The following AGAP1 variants were observed in gnomAD, a reference collection of about 807,000 sequenced individuals.
AGAP1 encodes ArfGAP with GTPase domain, ankyrin repeat and PH domain 1.
In AGAP1, 29 loss-of-function variants were observed where a neutral mutation model predicts 105.3. The observed-to-expected ratio is 0.28, with a 90% CI of 0.21 to 0.38. AGAP1 has a LOEUF of 0.38. Ranked by LOEUF, AGAP1 falls within the 10% of genes least tolerant of loss-of-function variation. The probability of loss-of-function intolerance (pLI) is 1.00; values close to 1 mark genes in which losing one functional copy is unlikely to be tolerated. For synonymous variants in AGAP1, 509 were observed against 485.9 expected, an observed-to-expected ratio of 1.05 and a Z score of -0.63; for missense variants, 998 against 1,165.1, an observed-to-expected ratio of 0.86 and a Z score of 2.09.
intron 1 of AGAP1, among the ~76,000 whole-genome samples, chr2:235,640,030 G>A (rs1947137597): frequency 6.6e-6 from 1 of 152,128 alleles, no homozygotes; most frequent in South Asian, 2.1e-4. Flanking sequence ...CAGTCTTTAG[G>A]GCAACCTAAT....
intron 6 of AGAP1, among the ~76,000 whole-genome samples, chr2:235,770,592 A>G (rs1362903499): frequency 6.6e-6 from 1 of 152,224 alleles, no homozygotes; most frequent in Non-Finnish European, 1.5e-5. Context: ...TCACGCAATC[A>G]TAAAATCTCC....
chr2:235,802,601 T>G (rs1170439346), intron 8 of AGAP1, among the ~76,000 whole-genome samples: 3 of 152,150 alleles, frequency 2.0e-5, no homozygotes, highest in African/African-American at 7.2e-5. Context: ...ATGTTGGTCC[T>G]CAGTGGGTTT....
chr2:235,697,475 C>A (rs574408275), intron 1 of AGAP1, among the ~76,000 whole-genome samples: 139 of 152,324 alleles, frequency 9.1e-4, no homozygotes, highest in African/African-American at 3.1e-3. Flanking sequence ...AGTGACATGG[C>A]AGGGGGGACC....
chr2:235,834,644 G>A (rs1959902987), intron 9 of AGAP1, among the ~76,000 whole-genome samples: 1 of 152,176 alleles, frequency 6.6e-6, no homozygotes, highest in African/African-American at 2.4e-5. Flanking sequence ...ATTTTCACCA[G>A]TTGTTCACTT....
intron 1 of AGAP1, among the ~76,000 whole-genome samples, chr2:235,624,581 T>C (rs1574986693): frequency 6.6e-6 from 1 of 152,328 alleles, no homozygotes; most frequent in East Asian, 1.9e-4. Context: ...TTCTGTGTGC[T>C]GTAAAGTGTA....
At chr2:235,647,681 C>T (rs1383324015) in intron 1 of AGAP1, among the ~76,000 whole-genome samples, 2 of 152,156 alleles carry the variant, frequency 1.3e-5, no homozygotes. Flanking sequence ...AGCCACCATG[C>T]CTGGCTGAGG....
rs567586278 is a variant in AGAP1, at chr2:235,665,791, C to T, written c.164-43388C>T. Reference sequence around the variant, plus strand: ...GGCCAGTTTCTACCATCAGCAGACGCGGTTCTGCTAAGATACTGCAAACGT... The same window carrying T: ...GGCCAGTTTCTACCATCAGCAGACGTGGTTCTGCTAAGATACTGCAAACGT... On this transcript the variant is annotated intron_variant, in intron 1 of 17. Coordinates refer to ENST00000304032, the MANE Select transcript of AGAP1 (RefSeq NM_001037131.3). The surrounding 1 kb of genome is among the most constrained non-coding windows in gnomAD (Gnocchi z 5.3). 1.4e-4 allele frequency among the ~76,000 whole-genome samples: 21 copies of T among 152,010 alleles called. No individual in the cohort carries two copies. The highest frequency in any genetic ancestry group is 2.5e-4 in the Non-Finnish European group (17 of 68,012).
At chr2:235,897,124 C>G (rs1035869375) in intron 10 of AGAP1, among the ~76,000 whole-genome samples, 1 of 151,836 alleles carries the variant, frequency 6.6e-6, no homozygotes. Flanking sequence ...GCTCTGTTGC[C>G]CAGGCTGGAG....
intron 16 of AGAP1, among the ~76,000 whole-genome samples, chr2:236,077,491 G>C (rs1314121600): frequency 6.6e-6 from 1 of 151,908 alleles, no homozygotes; most frequent in Non-Finnish European, 1.5e-5. Context: ...GCTAATTTTT[G>C]TATTTTTAGT....
intron 1 of AGAP1, among the ~76,000 whole-genome samples, chr2:235,531,832 G>A (rs998612641): frequency 1.3e-5 from 2 of 148,534 alleles, no homozygotes; most frequent in Non-Finnish European, 3.0e-5. Context: ...GGCTGGTCTC[G>A]AACTCCTGAC....
At chr2:236,037,345 G>A (rs2057413793) in intron 14 of AGAP1, 1 of 152,006 alleles carries the variant, frequency 6.6e-6, no homozygotes. Flanking sequence ...AAAATAATGA[G>A]AGGCAATTTG....
chr2:235,844,262 G>A (rs1961205251), intron 9 of AGAP1, among the ~76,000 whole-genome samples: 1 of 152,126 alleles, frequency 6.6e-6, no homozygotes, highest in African/African-American at 2.4e-5. Context: ...TTGAATGCAG[G>A]AGCCAGGCAG....
At chr2:236,060,661 C>T (rs1419696938) in intron 16 of AGAP1, among the ~76,000 whole-genome samples, 1 of 152,098 alleles carries the variant, frequency 6.6e-6, no homozygotes, top group African/African-American at 2.4e-5. Flanking sequence ...CACCACTGCA[C>T]TCCAGCCTGG....
chr2:235,653,845 T>A (rs937650264), intron 1 of AGAP1, among the ~76,000 whole-genome samples: 1 of 152,126 alleles, frequency 6.6e-6, no homozygotes, highest in African/African-American at 2.4e-5. Context: ...TTATTTGAGG[T>A]CGGGAGTTCA....
At chr2:235,861,970 C>T (rs2048944190) in intron 9 of AGAP1, among the ~76,000 whole-genome samples, 1 of 152,180 alleles carries the variant, frequency 6.6e-6, no homozygotes, top group South Asian at 2.1e-4. Flanking sequence ...CGTGGGGTTC[C>T]TGAGTGTCCT....
At position 235,792,367 on chromosome 2, in the gene AGAP1, C is replaced by G. The variant is rs1957030720; in HGVS notation, c.674-5392C>G. On this transcript the variant is annotated intron_variant, in intron 6 of 17. Transcript: ENST00000304032. This position sits in a 1 kb window ranked among gnomAD's most constrained non-coding sequence, Gnocchi z 5.3. Reference sequence around the variant, plus strand: ...TTCCAGGAGAGACTATGGTCCTTATCCAGTAGTACTAATGTGCGGAAATAC... The same window carrying G: ...TTCCAGGAGAGACTATGGTCCTTATGCAGTAGTACTAATGTGCGGAAATAC... 6.6e-6 allele frequency among the ~76,000 whole-genome samples: 1 copy of G among 152,158 alleles called. No homozygotes were observed. The highest frequency in any genetic ancestry group is 1.5e-5 in the Non-Finnish European group (1 of 68,040).
In AGAP1 at chr2:235,622,329, T is replaced by C. The variant is rs1946510069; in HGVS notation, c.164-86850T>C. ...CTGTCAGCAGGTCCTGAGATGTGACTCTGGACAGCCAGTGGTCTGTAGCAT... is the reference window on the plus strand; with the variant it reads ...CTGTCAGCAGGTCCTGAGATGTGACCCTGGACAGCCAGTGGTCTGTAGCAT... On this transcript the variant is annotated intron_variant, in intron 1 of 17. Coordinates refer to ENST00000304032, the MANE Select transcript of AGAP1 (RefSeq NM_001037131.3). The surrounding 1 kb of genome is among the most constrained non-coding windows in gnomAD (Gnocchi z 5.0). Among the ~76,000 whole-genome samples, 1 of 152,208 alleles carries C rather than the reference T, an allele frequency of 6.6e-6. No individual in the cohort carries two copies. Among genetic ancestry groups the C allele is most frequent in the Non-Finnish European group, 1.5e-5 (1 of 68,042 alleles).
At position 235,861,728 on chromosome 2, in the gene AGAP1, G is replaced by A. The variant is rs187915395; in HGVS notation, c.1051-21617G>A. Among the ~76,000 whole-genome samples, 388 of 152,250 alleles carry A rather than the reference G, an allele frequency of 2.5e-3. 2 individuals carry two copies. The highest frequency in any genetic ancestry group is 4.3e-3 in the Non-Finnish European group (293 of 68,022). On this transcript the variant is annotated intron_variant, in intron 9 of 17. Coordinates refer to ENST00000304032, the MANE Select transcript of AGAP1 (RefSeq NM_001037131.3). ...TAGAAAGACCCACTGTGTCCCTGGG[G>A]GACTGGTAGGTACCCTGATTCCTGC...
Position 235,744,351 on chromosome 2 carries a change from C to A in AGAP1, c.397-347C>A, listed in dbSNP as rs1234862833. ...GGGCTCTGGCAGGAGGTGGGTCTGGCCTTCTGTCTGCGGGGCCGCCTTGGC... is the reference window on the plus strand; with the variant it reads ...GGGCTCTGGCAGGAGGTGGGTCTGGACTTCTGTCTGCGGGGCCGCCTTGGC... On this transcript the variant is annotated intron_variant, in intron 4 of 17. Transcript: ENST00000304032. The surrounding 1 kb of genome is among the most constrained non-coding windows in gnomAD (Gnocchi z 5.2). Among the ~76,000 whole-genome samples the A allele has an allele frequency of 3.9e-5, 6 of 152,292 alleles. No individual in the cohort carries two copies. Among genetic ancestry groups the A allele is most frequent in the African/African-American group, 1.4e-4 (6 of 41,564 alleles).
Sources: allele counts gnomAD v4.1 joint callset (sites outside exome capture counted in the v4.1 genomes callset), GRCh38; gene constraint gnomAD v4.1.1; non-coding constraint Gnocchi (gnomAD v3.1); transcripts MANE v1.5; gene names NCBI Gene and HGNC (gene_info 2026-07-23, HGNC 2026-07-21).